The following ZNF287 variants were observed in gnomAD, a reference collection of about 807,000 sequenced individuals.
ZNF287 encodes zinc finger protein with KRAB and SCAN domains 13.
ZNF287 carries 31 observed loss-of-function variants against 73.7 expected under a neutral mutation model. The ratio of observed to expected loss-of-function variants is 0.42; its 90% CI spans 0.32 to 0.57. ZNF287 has a LOEUF of 0.57. Ranked by LOEUF, ZNF287 falls within the 20% of genes least tolerant of loss-of-function variation. ZNF287 has a pLI of 0.13. For synonymous variants in ZNF287, 301 were observed against 307.2 expected (o/e 0.98, Z 0.21); for missense variants, 641 against 909.3 (o/e 0.70, Z 3.79).
rs978365470 is a variant in ZNF287 at position 16,553,249 on chromosome 17, G to A, written c.893C>T (p.Ser298Leu). 1 of 1,612,974 alleles carries A rather than the reference G, an allele frequency of 6.2e-7. No homozygotes were observed. The highest frequency in any genetic ancestry group is 8.5e-7 in the Non-Finnish European group (1 of 1,179,104). Residue 298 changes from serine to leucine, a missense_variant, in exon 6 of 6, where the codon TCA becomes TTA. Transcript: ENST00000395825. ...HTDERGFSLK[S>L]VLSQEYDPTE... ...AGGATCATATTCTTGTGAAAGGACT[G>A]ACTTCAAACTGAAACCTCTTTCATC... is the stretch of plus-strand genomic sequence containing the variant.
Position 16,551,296 on chromosome 17 carries a change from C to T in ZNF287, c.*560G>A, listed in dbSNP as rs1461096730. On this transcript the variant is annotated 3_prime_UTR_variant, in exon 6 of 6. Transcript: ENST00000395825. ...TGTGAAATCTCTATTTGATGGACAC[C>T]TTCCTAAGTTACACTCATAAGGCCT... The T allele has an allele frequency of 6.6e-6, 1 of 152,218 alleles. No homozygotes were observed. The highest frequency in any genetic ancestry group is 1.9e-4 in the East Asian group (1 of 5,202). The allele number at this position is 152,218 out of a possible 1,614,324, so 9.4% of individuals were successfully genotyped here. A position where few individuals can be genotyped will look rare whatever the true frequency, so the allele number is the denominator to read the frequency against.
chr17:16,548,627 C>T lies in ZNF287; in HGVS notation c.*3229G>A, dbSNP rs1004884075. ...CCTGGCTAACACAGTGAAACCCCATCTCTACTAAAAAAATACAAAGAAATT... is the reference window on the plus strand; with the variant it reads ...CCTGGCTAACACAGTGAAACCCCATTTCTACTAAAAAAATACAAAGAAATT... On this transcript the variant is annotated 3_prime_UTR_variant, in exon 6 of 6. Coordinates refer to ENST00000395825, the MANE Select transcript of ZNF287 (RefSeq NM_020653.4). 1.3e-5 allele frequency among the ~76,000 whole-genome samples: 2 copies of T among 152,060 alleles called. No homozygotes were observed. Among genetic ancestry groups the T allele is most frequent in the African/African-American group, 4.8e-5 (2 of 41,414 alleles).
Position 16,552,279 on chromosome 17 carries a change from T to G in ZNF287, c.1863A>C (p.Lys621Asn). The change falls in exon 6 of 6, where the codon AAA (lysine) becomes AAC (asparagine). Residue 621 changes from lysine to asparagine, a missense_variant. Physicochemically the swap from Lys to Asn is moderately conservative, Grantham distance 94. This residue lies in a region of ZNF287 where 284 missense variants were observed against 466.8 expected (regional missense o/e 0.61). Transcript: ENST00000395825. This position sits in a 1 kb window ranked among gnomAD's most constrained non-coding sequence, Gnocchi z 6.5. ...HRTHTGEKPY[K>N]CSVCGKAFSQ... Reference sequence around the variant, plus strand: ...TGAATGCTTTCCCACACACACTGCATTTATATGGTTTCTCTCCAGTATGTG... The same window carrying G: ...TGAATGCTTTCCCACACACACTGCAGTTATATGGTTTCTCTCCAGTATGTG... 2 of 1,613,972 alleles carry G rather than the reference T, an allele frequency of 1.2e-6. No individual in the cohort carries two copies. Among genetic ancestry groups the G allele is most frequent in the Non-Finnish European group, 1.7e-6 (2 of 1,179,978 alleles).
chr17:16,550,521 T>C lies in ZNF287; in HGVS notation c.*1335A>G, dbSNP rs1004280801. Among the ~76,000 whole-genome samples, 2 of 152,216 alleles carry C rather than the reference T, an allele frequency of 1.3e-5. No individual in the cohort carries two copies. The highest frequency in any genetic ancestry group is 3.8e-4 in the East Asian group (2 of 5,206). Reference sequence around the variant, plus strand: ...TTTTTTCTCACATTATTTATATAGCTACACTATCACTTCCACTTCCTTCTC... The same window carrying C: ...TTTTTTCTCACATTATTTATATAGCCACACTATCACTTCCACTTCCTTCTC... On this transcript the variant is annotated 3_prime_UTR_variant, in exon 6 of 6. Coordinates refer to ENST00000395825, the MANE Select transcript of ZNF287 (RefSeq NM_020653.4).
chr17:16,556,106 A>G (rs1445240037), intron 5 of ZNF287, among the ~76,000 whole-genome samples: 1 of 151,952 alleles, frequency 6.6e-6, no homozygotes, highest in Admixed American at 6.6e-5. Context: ...TGTATAAAAA[A>G]ATGTAGAGCA....
intron 5 of ZNF287, among the ~76,000 whole-genome samples, chr17:16,556,036 G>T (rs1348249127): frequency 6.8e-6 from 1 of 147,760 alleles, no homozygotes; most frequent in East Asian, 1.9e-4. Flanking sequence ...ATTGATAACT[G>T]ATAGGTAGGT....
Position 16,552,524 on chromosome 17 carries a change from C to T in ZNF287, c.1618G>A (p.Glu540Lys). ...CTCTGACTAAACACTTTCCAACATT[C>T]ATTGCATTTATATGGTTTCTTCCCA... ...HTGKKPYKCN[E>K]CWKVFSQSTY... The change falls in exon 6 of 6, where the codon GAA becomes AAA. Residue 540 changes from glutamate (E) to lysine (K), a missense_variant. This residue lies in a region of ZNF287 where 284 missense variants were observed against 466.8 expected (regional missense o/e 0.61). Transcript: ENST00000395825. The surrounding 1 kb of genome is among the most constrained non-coding windows in gnomAD (Gnocchi z 6.5). 1.9e-6 allele frequency: 3 copies of T among 1,614,080 alleles called. No homozygotes were observed. Among genetic ancestry groups the T allele is most frequent in the Non-Finnish European group, 2.5e-6 (3 of 1,179,986 alleles).
In ZNF287 at chr17:16,550,998, T is replaced by C. The variant is rs1027849238; in HGVS notation, c.*858A>G. ...TACACATCTAATGTTATATACACAT[T>C]AGTTTCTATCATAACATATCTTTCA... On this transcript the variant is annotated 3_prime_UTR_variant, in exon 6 of 6. Transcript: ENST00000395825. 3.4e-5 allele frequency among the ~76,000 whole-genome samples: 5 copies of C among 148,276 alleles called. No homozygotes were observed. The highest frequency in any genetic ancestry group is 6.6e-5 in the Admixed American group (1 of 15,220).
Position 16,548,935 on chromosome 17 carries a change from ATTTG to A in ZNF287, c.*2917_*2920del, listed in dbSNP as rs201826825. Among the ~76,000 whole-genome samples the A allele has an allele frequency of 8.6e-5, 13 of 151,958 alleles. No homozygotes were observed. Among genetic ancestry groups the A allele is most frequent in the African/African-American group, 2.2e-4 (9 of 41,464 alleles). ...AGTCTTCAGATATTAGGGAATTACT[ATTTG>A]TTTTTTTTTTAAAGGTATGTAAATG... On this transcript the variant is annotated 3_prime_UTR_variant, in exon 6 of 6. Transcript: ENST00000395825.
rs1906686207 is a variant in ZNF287 at position 16,551,875 on chromosome 17, C to T, written c.2267G>A (p.Gly756Asp). 6.3e-7 allele frequency: 1 copy of T among 1,584,650 alleles called. No homozygotes were observed. Among genetic ancestry groups the T allele is most frequent in the Non-Finnish European group, 8.6e-7 (1 of 1,164,664 alleles). ...TATCCATTAATTACGATGTTTGGCACCTGTATGAACACGTTGATGCTGAAT... is the reference window on the plus strand; with the variant it reads ...TATCCATTAATTACGATGTTTGGCATCTGTATGAACACGTTGATGCTGAAT... ...NLIQHQRVHTGAKHRN is the reference protein window; with the variant it reads ...NLIQHQRVHTDAKHRN The change falls in exon 6 of 6, where the codon GGT becomes GAT. Residue 756 changes from glycine (G) to aspartate (D), a missense_variant. Gly to Asp is a moderately conservative substitution (Grantham distance 94). This residue lies in a region of ZNF287 where 284 missense variants were observed against 466.8 expected (regional missense o/e 0.61). Transcript: ENST00000395825.
At chr17:16,555,807 T>C (rs1907018623) in intron 5 of ZNF287, among the ~76,000 whole-genome samples, 1 of 152,212 alleles carries the variant, frequency 6.6e-6, no homozygotes, top group Admixed American at 6.5e-5. Context: ...AACATATAAC[T>C]TGCAAATATC....
rs1350983137 is a variant in ZNF287, at chr17:16,567,871, A to T, written c.-140T>A. 1 of 1,446,354 alleles carries T rather than the reference A, an allele frequency of 6.9e-7. No homozygotes were observed. Among genetic ancestry groups the T allele is most frequent in the Non-Finnish European group, 9.0e-7 (1 of 1,105,018 alleles). 89.6% of individuals were successfully genotyped at this position (1,446,354 alleles called of 1,614,324 possible). On this transcript the variant is annotated 5_prime_UTR_variant, in exon 2 of 6. Coordinates refer to ENST00000395825, the MANE Select transcript of ZNF287 (RefSeq NM_020653.4). ...CGAGGGCAGAACAGAATCAAGGTAG[A>T]GTTAGCAGCCTTAGTGACAAATTCT... is the stretch of plus-strand genomic sequence containing the variant.
Position 16,551,805 on chromosome 17 carries a change from A to G in ZNF287, c.*51T>C, listed in dbSNP as rs772080973. 2.5e-5 allele frequency: 39 copies of G among 1,532,014 alleles called. No individual in the cohort carries two copies. Among genetic ancestry groups the G allele is most frequent in the Non-Finnish European group, 3.2e-5 (37 of 1,141,882 alleles). The allele number at this position is 1,532,014 out of a possible 1,614,324, so 94.9% of individuals were successfully genotyped here. On this transcript the variant is annotated 3_prime_UTR_variant, in exon 6 of 6. Coordinates refer to ENST00000395825, the MANE Select transcript of ZNF287 (RefSeq NM_020653.4). ...AATGTTCTGACACATAGAATGCACA[A>G]AACAAAATTGAAACAAAGTTGTAAA...
At chr17:16,564,202 T>C (rs1248608794) in intron 3 of ZNF287, among the ~76,000 whole-genome samples, 1 of 152,092 alleles carries the variant, frequency 6.6e-6, no homozygotes, top group South Asian at 2.1e-4. Context: ...AAAGGTTTAT[T>C]ATCATTATTT....
Position 16,567,649 on chromosome 17 carries a change from C to A in ZNF287, c.83G>T (p.Gly28Val), listed in dbSNP as rs1467891600. The change falls in exon 2 of 6, where the codon GGA (glycine) becomes GTA (valine). Residue 28 changes from glycine (G) to valine (V), a missense_variant. Gly to Val is a moderately radical substitution (Grantham distance 109, BLOSUM62 -3). Transcript: ENST00000395825. ...GATTTCCTTCTCAACATTGTAGGGT[C>A]CACTCTGAGCCTTGTCTGACTTCCA... ...LRWKSDKAQSGPYNVEKEILT... is the reference protein window; with the variant it reads ...LRWKSDKAQSVPYNVEKEILT... 2.5e-6 allele frequency: 4 copies of A among 1,614,152 alleles called. No homozygotes were observed. Among genetic ancestry groups the A allele is most frequent in the Admixed American group, 1.7e-5 (1 of 60,012 alleles).
intron 4 of ZNF287, among the ~76,000 whole-genome samples, 191 bp downstream of exon 4, chr17:16,563,507 GT>G (rs1479725003): frequency 2.5e-4 from 38 of 152,342 alleles, no homozygotes; most frequent in African/African-American, 8.2e-4. Flanking sequence ...CTATGAAGCT[GT>G]GCATCAGTTG....
chr17:16,567,317 T>C lies in ZNF287; in HGVS notation c.403+12A>G. 1 of 1,606,234 alleles carries C rather than the reference T, an allele frequency of 6.2e-7. No individual in the cohort carries two copies. The highest frequency in any genetic ancestry group is 8.5e-7 in the Non-Finnish European group (1 of 1,175,314). The stretch of plus-strand genomic sequence containing the variant: ...CCAGGGATTCCTCCCCTCTCTGCTC[T>C]ATGATTCTCACCTTCCTCTTCTAGA... On this transcript the variant is annotated intron_variant, in intron 2 of 5. Coordinates refer to ENST00000395825, the MANE Select transcript of ZNF287 (RefSeq NM_020653.4).
At chr17:16,555,635 CACACA>C (rs1907001062) in intron 5 of ZNF287, among the ~76,000 whole-genome samples, 1 of 151,480 alleles carries the variant, frequency 6.6e-6, no homozygotes, top group East Asian at 1.9e-4. Flanking sequence ...CACACACACA[CACACA>C]CCCCAAACCA....
intron 3 of ZNF287, among the ~76,000 whole-genome samples, chr17:16,565,359 A>T (rs927697824): frequency 1.3e-5 from 2 of 151,178 alleles, no homozygotes; most frequent in East Asian, 1.9e-4. Flanking sequence ...GATATTTTAA[A>T]TTTTTTTCGG....
Sources: gnomAD v4.1 joint callset for allele counts (sites outside exome capture counted in the v4.1 genomes callset) on GRCh38, gnomAD v4.1.1 for gene constraint, gnomAD v4.1.1 regional missense constraint, Gnocchi (gnomAD v3.1) non-coding constraint, MANE v1.5 for transcripts, NCBI Gene and HGNC (gene_info 2026-07-23, HGNC 2026-07-21) for gene names.